The following MSN variants were observed in gnomAD, a reference collection of about 807,000 sequenced individuals.
The protein encoded by MSN is moesin.
A neutral mutation model predicts 48.0 loss-of-function variants in MSN; 2 were observed. The ratio of observed to expected loss-of-function variants is 0.04; its 90% CI spans 0.02 to 0.13. The LOEUF is 0.13. Ranked by LOEUF, MSN falls within the 10% of genes least tolerant of loss-of-function variation. MSN has a pLI of 1.00. For synonymous variants in MSN, 146 were observed against 166.9 expected (o/e 0.87, Z 0.97); for missense variants, 267 against 470.1 (o/e 0.57, Z 3.99).
chrX:65,709,380 C>T (rs1469206591), intron 1 of MSN, among the ~76,000 whole-genome samples: 1 of 112,236 alleles, frequency 8.9e-6, no homozygotes, highest in East Asian at 2.8e-4. Context: ...TTATTTATCT[C>T]CACATTGAAG....
chrX:65,708,182 A>C (rs2071380321), intron 1 of MSN, among the ~76,000 whole-genome samples: 1 of 111,179 alleles, frequency 9.0e-6, no homozygotes, highest in South Asian at 3.8e-4. Flanking sequence ...GACACATCAT[A>C]ATAAATGCAT....
At chrX:65,598,704 G>A (rs1440509556) in intron 1 of MSN, among the ~76,000 whole-genome samples, 1 of 111,425 alleles carries the variant, frequency 9.0e-6, no homozygotes, top group African/African-American at 3.3e-5. Context: ...GAGTCTAGAG[G>A]TCTTGAGGTT....
intron 1 of MSN, 24 bp from the exon 2 acceptor site, chrX:65,716,794 C>T: frequency 8.4e-7 from 1 of 1,196,204 alleles, no homozygotes; most frequent in Non-Finnish European, 1.1e-6. Context: ...GATGACTAAC[C>T]TGCTTCCTTT....
intron 1 of MSN, among the ~76,000 whole-genome samples, chrX:65,659,444 A>G (rs2070806316): frequency 9.0e-6 from 1 of 111,570 alleles, no homozygotes; most frequent in African/African-American, 3.3e-5. Flanking sequence ...ATGTGCCATC[A>G]CTCCCGGCAT....
intron 1 of MSN, among the ~76,000 whole-genome samples, chrX:65,706,873 A>G (rs1228251079): frequency 9.0e-6 from 1 of 111,580 alleles, no homozygotes; most frequent in Admixed American, 9.5e-5. Flanking sequence ...GGGGATGGTA[A>G]TGTTCATCCC....
In MSN at chrX:65,631,109, T is replaced by G. The variant is rs368419313; in HGVS notation, c.-22+42497T>G. Among the ~76,000 whole-genome samples, 959 of 108,496 alleles carry G rather than the reference T, an allele frequency of 8.8e-3. 12 individuals carry two copies. Among genetic ancestry groups the G allele is most frequent in the African/African-American group, 0.031 (908 of 29,655 alleles). 94.2% of individuals were successfully genotyped at this position (108,496 alleles called of 115,157 possible). A position where few individuals can be genotyped will look rare whatever the true frequency, so the allele number is the denominator to read the frequency against. On this transcript the variant is annotated intron_variant, in intron 1 of 3. Transcript: ENST00000609672. ...ATATCCTGCTTCTTTTTTTTTTTTT[T>G]GTCTGAGACAGAGTCTCGCTCTGTT... is the stretch of plus-strand genomic sequence containing the variant.
chrX:65,710,279 C>T (rs2071400936), intron 1 of MSN, among the ~76,000 whole-genome samples: 1 of 112,237 alleles, frequency 8.9e-6, no homozygotes, highest in Non-Finnish European at 1.9e-5. Flanking sequence ...CTCCCTTGTA[C>T]ATTTTAGTTT....
At chrX:65,694,144 G>A (rs2071205440) in intron 1 of MSN, among the ~76,000 whole-genome samples, 1 of 110,694 alleles carries the variant, frequency 9.0e-6, no homozygotes, top group African/African-American at 3.3e-5. Context: ...AGTTAAAAGA[G>A]CTCAAGAGTA....
intron 2 of MSN, among the ~76,000 whole-genome samples, chrX:65,727,544 T>C (rs943232621): frequency 8.9e-6 from 1 of 112,036 alleles, no homozygotes; most frequent in Admixed American, 9.4e-5. Context: ...AGGGGTATTA[T>C]GAAAATTAAA....
At chrX:65,654,401 G>A (rs1337886620) in intron 1 of MSN, among the ~76,000 whole-genome samples, 3 of 109,927 alleles carry the variant, frequency 2.7e-5, no homozygotes, top group African/African-American at 9.9e-5. Flanking sequence ...GATTACAGGC[G>A]AGCCACCACG....
At chrX:65,645,013 T>A (rs1176510982) in intron 1 of MSN, among the ~76,000 whole-genome samples, 1 of 112,285 alleles carries the variant, frequency 8.9e-6, no homozygotes, top group Non-Finnish European at 1.9e-5. Flanking sequence ...GAGCTAACAA[T>A]CACTCTTCTA....
At chrX:65,632,402 T>C (rs1161789037) in intron 1 of MSN, among the ~76,000 whole-genome samples, 1 of 112,382 alleles carries the variant, frequency 8.9e-6, no homozygotes, top group Non-Finnish European at 1.9e-5. Flanking sequence ...TTCTGTTCAT[T>C]ATAAATGATC....
At chrX:65,641,609 T>C (rs1261270461) in intron 1 of MSN, among the ~76,000 whole-genome samples, 5 of 70,368 alleles carry the variant, frequency 7.1e-5, no homozygotes, top group Admixed American at 1.7e-4. Flanking sequence ...TATTTTAGCA[T>C]ATTGACAGAG....
At chrX:65,612,501 T>G (rs1054287119) in intron 1 of MSN, among the ~76,000 whole-genome samples, 1 of 111,379 alleles carries the variant, frequency 9.0e-6, no homozygotes, top group Non-Finnish European at 1.9e-5. Flanking sequence ...CATATATAAT[T>G]TGCAACTATT....
Position 65,737,186 on chromosome X carries a change from G to A in MSN, c.1099G>A (p.Glu367Lys), listed in dbSNP as rs2071686521. The change falls in exon 10 of 13, where the codon GAA (glutamate) becomes AAA (lysine). Residue 367 changes from glutamate to lysine, a missense_variant. Around this residue, in one of 5 missense-constraint regions of MSN, gnomAD observed 70 missense variants for 76.3 expected, o/e 0.92. Transcript: ENST00000360270. ...QTKKAQQELE[E>K]QTRRALELEQ... The stretch of plus-strand genomic sequence containing the variant: ...CCTCCTTTTCTGCTCAGAACTGGAA[G>A]AACAGACCCGTAGGGCTCTGGAACT... 1 of 1,204,577 alleles carries A rather than the reference G, an allele frequency of 8.3e-7. No homozygotes were observed.
intron 3 of MSN, among the ~76,000 whole-genome samples, chrX:65,728,484 G>A (rs950183738): frequency 1.5e-4 from 16 of 110,059 alleles, no homozygotes; most frequent in African/African-American, 3.0e-4. Flanking sequence ...TAGTAGAGAC[G>A]GGGTTTCACC....
At chrX:65,692,723 A>G (rs1286419503) in intron 1 of MSN, among the ~76,000 whole-genome samples, 1 of 111,723 alleles carries the variant, frequency 9.0e-6, no homozygotes, top group Admixed American at 9.6e-5. Context: ...CTTGTTGCCC[A>G]GGCTGGAGTG....
At chrX:65,668,302 C>T (rs936831369) in intron 1 of MSN, among the ~76,000 whole-genome samples, 5 of 112,186 alleles carry the variant, frequency 4.5e-5, no homozygotes, top group African/African-American at 1.6e-4. Context: ...AAGGAGGGAG[C>T]CGCTCGGGGC....
chrX:65,637,190 G>T (rs1233897205), intron 1 of MSN, among the ~76,000 whole-genome samples: 4 of 110,125 alleles, frequency 3.6e-5, no homozygotes, highest in Admixed American at 2.9e-4. Flanking sequence ...ATCACCTGAG[G>T]TTGGGAGTTC....
Sources: allele counts gnomAD v4.1 joint callset (sites outside exome capture counted in the v4.1 genomes callset), GRCh38; gene constraint gnomAD v4.1.1; regional missense constraint gnomAD v4.1.1; transcripts MANE v1.5; gene names NCBI Gene and HGNC (gene_info 2026-07-23, HGNC 2026-07-21).